Variants in THSD4 observed in about 807,000 individuals in gnomAD.
THSD4 encodes thrombospondin type-1 domain-containing protein 4.
In THSD4, 69 loss-of-function variants were observed where a neutral mutation model predicts 119.0. The ratio of observed to expected loss-of-function variants is 0.58; its 90% CI spans 0.48 to 0.71. THSD4 has a LOEUF of 0.71. THSD4 is among the 30% of genes least tolerant of loss of function. The probability of loss-of-function intolerance (pLI) is 0.00; values close to 1 mark genes in which losing one functional copy is unlikely to be tolerated. For missense variants in THSD4, 1,393 were observed against 1,391.1 expected, an observed-to-expected ratio of 1.00 and a Z score of -0.02; for synonymous variants, 524 against 540.4, an observed-to-expected ratio of 0.97 and a Z score of 0.42.
intron 7 of THSD4, among the ~76,000 whole-genome samples, chr15:71,571,101 G>A (rs1595893810): frequency 1.3e-5 from 2 of 152,110 alleles, no homozygotes; most frequent in East Asian, 1.9e-4. Flanking sequence ...CCGTGTCGGC[G>A]GAACATGTTT....
chr15:71,660,404 C>A lies in THSD4; in HGVS notation c.1153-126C>A, dbSNP rs894580827. On this transcript the variant is annotated intron_variant, in intron 7 of 17. Transcript: ENST00000261862. ...GGTTTACCGTCTGTGGCTCCCACCC[C>A]ACTCCTAGAATATACATTTCGTAAA... 6 of 1,128,004 alleles carry A rather than the reference C, an allele frequency of 5.3e-6. No individual in the cohort carries two copies. The South Asian group carries it at 8.6e-5, about 16-fold the overall frequency. The allele number at this position is 1,128,004 out of a possible 1,614,324, so 69.9% of individuals were successfully genotyped here.
intron 7 of THSD4, among the ~76,000 whole-genome samples, chr15:71,606,510 C>CGT (rs75257457): frequency 1.3e-5 from 2 of 152,104 alleles, no homozygotes; most frequent in Admixed American, 6.5e-5. Context: ...CCAGAAATAA[C>CGT]ATTTCAAATG....
At chr15:71,214,959 G>T (rs746707071) in intron 3 of THSD4, 76 bp from the exon 4 acceptor site, 11 of 1,216,820 alleles carry the variant, frequency 9.0e-6, no homozygotes, top group Non-Finnish European at 1.0e-5. Context: ...TGATGGATAA[G>T]TCGACCCTGC....
chr15:71,588,810 A>G (rs994192752), intron 7 of THSD4, among the ~76,000 whole-genome samples: 1 of 152,152 alleles, frequency 6.6e-6, no homozygotes, highest in Non-Finnish European at 1.5e-5. Flanking sequence ...TGGGGGAGAT[A>G]GGTATCAGTT....
At chr15:71,586,343 G>A (rs1261524123) in intron 7 of THSD4, among the ~76,000 whole-genome samples, 1 of 152,114 alleles carries the variant, frequency 6.6e-6, no homozygotes, top group Non-Finnish European at 1.5e-5. Context: ...AGCATGACTA[G>A]GTTTTCTGTT....
chr15:71,180,050 A>T (rs2043494471), intron 3 of THSD4, among the ~76,000 whole-genome samples: 1 of 126,034 alleles, frequency 7.9e-6, no homozygotes, highest in Non-Finnish European at 1.7e-5. Context: ...CTAGATGACG[A>T]GTTAGTGGGT....
In THSD4 at chr15:71,256,686, G is replaced by T. The variant is rs200521592; in HGVS notation, c.986G>T (p.Arg329Leu). The T allele has an allele frequency of 2.0e-5, 33 of 1,613,710 alleles. No homozygotes were observed. The highest frequency in any genetic ancestry group is 8.3e-5 in the Admixed American group (5 of 59,980). Residue 329 changes from arginine (R) to leucine (L), a missense_variant, in exon 6 of 18, where the codon CGG becomes CTG. By Grantham distance (102) the Arg-to-Leu change is moderately radical. Transcript: ENST00000261862. ...ASYNNKPFMG[R>L]FYEWEPFAEV... ...TACAACAACAAGCCATTCATGGGCCGGTTTTATGAGTGGGAACCATTTGCA... is the reference window on the plus strand; with the variant it reads ...TACAACAACAAGCCATTCATGGGCCTGTTTTATGAGTGGGAACCATTTGCA...
intron 8 of THSD4, among the ~76,000 whole-genome samples, chr15:71,665,074 T>C (rs2051389948): frequency 6.6e-6 from 1 of 152,230 alleles, no homozygotes; most frequent in Non-Finnish European, 1.5e-5. Flanking sequence ...ACCACACTGC[T>C]TTCCACCATA....
intron 1 of THSD4, among the ~76,000 whole-genome samples, chr15:71,097,828 T>TA (rs1383847661): frequency 7.9e-5 from 12 of 151,922 alleles, no homozygotes; most frequent in Non-Finnish European, 1.2e-4. Context: ...AATTATTTCT[T>TA]ACACTGATCA....
intron 3 of THSD4, among the ~76,000 whole-genome samples, chr15:71,191,901 CTTCTTTTTT>C (rs747930145): frequency 4.0e-4 from 26 of 65,168 alleles, no homozygotes; most frequent in Middle Eastern, 9.3e-3. Context: ...TCTTCTTCTT[CTTCTTTTTT>C]TTTTTTTTTT....
chr15:71,525,142 A>G (rs1465865172), intron 7 of THSD4, among the ~76,000 whole-genome samples: 3 of 152,166 alleles, frequency 2.0e-5, no homozygotes, highest in Non-Finnish European at 2.9e-5. Flanking sequence ...AGCACTTATT[A>G]TGCATCAGGC....
intron 7 of THSD4, among the ~76,000 whole-genome samples, chr15:71,566,999 G>A (rs755330215): frequency 6.6e-6 from 1 of 152,100 alleles, no homozygotes; most frequent in Admixed American, 6.5e-5. Flanking sequence ...ACCCTCTCTC[G>A]TTAGAGATTT....
intron 7 of THSD4, among the ~76,000 whole-genome samples, chr15:71,649,836 C>T (rs556288871): frequency 1.3e-5 from 2 of 152,258 alleles, no homozygotes; most frequent in South Asian, 4.1e-4. Context: ...CCAGTTATGG[C>T]AGCAACATTT....
At chr15:71,432,688 T>G (rs1422860361) in intron 7 of THSD4, among the ~76,000 whole-genome samples, 1 of 152,110 alleles carries the variant, frequency 6.6e-6, no homozygotes, top group Non-Finnish European at 1.5e-5. Flanking sequence ...TCCTGTATAG[T>G]CAGCTTTGAC....
chr15:71,492,651 G>A (rs1462838551), intron 7 of THSD4, among the ~76,000 whole-genome samples: 3 of 152,122 alleles, frequency 2.0e-5, no homozygotes, highest in African/African-American at 7.2e-5. Flanking sequence ...AACTCCATGA[G>A]CCTGAAAGAA....
At chr15:71,748,025 A>G (rs1474034357) in intron 13 of THSD4, among the ~76,000 whole-genome samples, 1 of 152,112 alleles carries the variant, frequency 6.6e-6, no homozygotes, top group African/African-American at 2.4e-5. Context: ...TGTCAGTCTT[A>G]TGATTTCTCC....
At position 71,717,599 on chromosome 15, in the gene THSD4, C is replaced by CAA. The variant is rs5813660; in HGVS notation, c.1358-10936_1358-10935dup. ...AACTTAAATATGGCATTTAGCATAG[C>CAA]AAAAAAAAAAAAAAATCACAAAAGC... is the stretch of plus-strand genomic sequence containing the variant. On this transcript the variant is annotated intron_variant, in intron 8 of 17. Transcript: ENST00000261862. Among the ~76,000 whole-genome samples the CAA allele has an allele frequency of 5.6e-3, 800 of 143,968 alleles. 6 individuals carry two copies. The highest frequency in any genetic ancestry group is 0.014 in the South Asian group (63 of 4,412). 94.4% of individuals were successfully genotyped at this position (143,968 alleles called of 152,430 possible). A position where few individuals can be genotyped will look rare whatever the true frequency, so the allele number is the denominator to read the frequency against.
intron 8 of THSD4, among the ~76,000 whole-genome samples, chr15:71,662,562 C>T (rs1411424038): frequency 1.3e-5 from 2 of 152,162 alleles, no homozygotes; most frequent in Admixed American, 6.5e-5. Context: ...CAAACAATGC[C>T]ACTTTTTATT....
chr15:71,612,310 A>G (rs2050245718), intron 7 of THSD4, among the ~76,000 whole-genome samples: 1 of 152,212 alleles, frequency 6.6e-6, no homozygotes, highest in African/African-American at 2.4e-5. Context: ...CAATTTCAAC[A>G]ATCACCCCCC....
Sources: gnomAD v4.1 joint callset for allele counts (sites outside exome capture counted in the v4.1 genomes callset) on GRCh38, gnomAD v4.1.1 for gene constraint, MANE v1.5 for transcripts, NCBI Gene and HGNC (gene_info 2026-07-23, HGNC 2026-07-21) for gene names.